Variants in EPHA5 observed in about 807,000 individuals in gnomAD.
EPHA5 encodes EPH receptor A5, also known as ephrin type-A receptor 5.
A neutral mutation model predicts 105.0 loss-of-function variants in EPHA5; 60 were observed. The ratio of observed to expected loss-of-function variants is 0.57; its 90% CI spans 0.46 to 0.71. The LOEUF (loss-of-function observed/expected upper bound fraction) is 0.71. Among genes scored for constraint, EPHA5 ranks in the 30% least tolerant of loss-of-function variants. The probability of loss-of-function intolerance (pLI) is 0.00; values close to 1 mark genes in which losing one functional copy is unlikely to be tolerated. For missense variants in EPHA5, 1,218 were observed against 1,274.7 expected (o/e 0.96, Z 0.68); for synonymous variants, 513 against 449.1 (o/e 1.14, Z -1.80).
At chr4:65,519,532 A>T (rs1252627840) in intron 3 of EPHA5, among the ~76,000 whole-genome samples, 4 of 151,900 alleles carry the variant, frequency 2.6e-5, no homozygotes, top group African/African-American at 9.7e-5. Context: ...GGCCAGGGCA[A>T]TTAGGCAGGA....
chr4:65,592,304 C>G (rs1009244510), intron 3 of EPHA5, among the ~76,000 whole-genome samples: 1 of 152,040 alleles, frequency 6.6e-6, no homozygotes, highest in African/African-American at 2.4e-5. Flanking sequence ...AAGCCAAAGC[C>G]TGGAGTGGTG....
intron 16 of EPHA5, among the ~76,000 whole-genome samples, chr4:65,328,211 T>C (rs1360774875): frequency 2.6e-5 from 4 of 151,208 alleles, no homozygotes; most frequent in Admixed American, 1.3e-4. Context: ...AGACTAGCAT[T>C]GTTACATAAA....
chr4:65,347,986 C>T (rs1030950783), intron 14 of EPHA5, 68 bp downstream of exon 14: 2 of 1,401,074 alleles, frequency 1.4e-6, no homozygotes, highest in African/African-American at 1.5e-5. Flanking sequence ...AAATGAAAAA[C>T]ATTGTGTCTT....
At chr4:65,551,184 TA>T (rs11337944) in intron 3 of EPHA5, among the ~76,000 whole-genome samples, 112,484 of 148,092 alleles carry the variant, frequency 0.76, 42,416 homozygotes, top group African/African-American at 0.8. Flanking sequence ...TAGGTTTGGA[TA>T]AATAAATGAT....
chr4:65,568,092 G>C (rs78206309), intron 3 of EPHA5, among the ~76,000 whole-genome samples: 1,650 of 151,310 alleles, frequency 0.011, 25 homozygotes, highest in African/African-American at 0.037. Context: ...TCTTGTTTTG[G>C]GTAAAATTTG....
chr4:65,590,941 A>G (rs1175776793), intron 3 of EPHA5, among the ~76,000 whole-genome samples: 1 of 152,124 alleles, frequency 6.6e-6, no homozygotes, highest in South Asian at 2.1e-4. Flanking sequence ...AAAGTAAAAC[A>G]AAGAGTCTGA....
chr4:65,336,121 A>G lies in EPHA5; in HGVS notation c.2600T>C (p.Ile867Thr), dbSNP rs952886207. The G allele has an allele frequency of 1.9e-6, 3 of 1,608,666 alleles. No individual in the cohort carries two copies. The Admixed American group carries it at 5.1e-5, about 27-fold the overall frequency. ...PYWEMTNQDV[I>T]KAVEEGYRLP... ...ACGATAGCCTTCCTCTACCGCTTTA[A>G]TCACCTGTATAAAGCAAAACAGAAC... The change falls in exon 15 of 17, where the codon ATT becomes ACT. Residue 867 changes from isoleucine to threonine, a missense_variant. Around this residue, in one of 3 missense-constraint regions of EPHA5, gnomAD observed 971 missense variants for 1,013.5 expected, o/e 0.96. Transcript: ENST00000613740.
intron 3 of EPHA5, among the ~76,000 whole-genome samples, chr4:65,553,698 G>T (rs1257827506): frequency 2.6e-5 from 4 of 151,960 alleles, no homozygotes; most frequent in Middle Eastern, 3.4e-3. Context: ...TGAAATATTG[G>T]GCCATCTCCC....
At chr4:65,394,625 C>A (rs1014784984) in intron 8 of EPHA5, among the ~76,000 whole-genome samples, 3 of 152,074 alleles carry the variant, frequency 2.0e-5, no homozygotes, top group African/African-American at 7.2e-5. Flanking sequence ...ATAAGGTTCT[C>A]TGTGTCAAGG....
chr4:65,431,323 T>C (rs933925865), intron 5 of EPHA5, among the ~76,000 whole-genome samples: 4 of 152,148 alleles, frequency 2.6e-5, no homozygotes, highest in Non-Finnish European at 5.9e-5. Context: ...TATCCTCTAG[T>C]TTATATATAT....
intron 3 of EPHA5, among the ~76,000 whole-genome samples, chr4:65,559,629 C>T (rs1346974810): frequency 6.6e-6 from 1 of 152,014 alleles, no homozygotes; most frequent in Admixed American, 6.6e-5. Flanking sequence ...AGTAGGGTCC[C>T]CTACTGTGAT....
At chr4:65,442,112 A>C (rs185146694) in intron 5 of EPHA5, among the ~76,000 whole-genome samples, 164 of 152,182 alleles carry the variant, frequency 1.1e-3, no homozygotes, top group Non-Finnish European at 1.3e-3. Context: ...TTATGACCTG[A>C]ATATTTGTGC....
chr4:65,653,722 A>G (rs560542369), intron 1 of EPHA5, among the ~76,000 whole-genome samples: 2 of 152,290 alleles, frequency 1.3e-5, no homozygotes, highest in African/African-American at 4.8e-5. Flanking sequence ...AAGGTTACAA[A>G]GAAAATAAAA....
At chr4:65,507,340 G>C (rs1408226231) in intron 3 of EPHA5, among the ~76,000 whole-genome samples, 1 of 152,092 alleles carries the variant, frequency 6.6e-6, no homozygotes, top group Non-Finnish European at 1.5e-5. Flanking sequence ...GGATTGTCTT[G>C]GCAATGCAGG....
chr4:65,454,899 TTCTC>T (rs1188656258), intron 5 of EPHA5, among the ~76,000 whole-genome samples: 1 of 152,184 alleles, frequency 6.6e-6, no homozygotes, highest in Non-Finnish European at 1.5e-5. Context: ...CCTCTTTTCT[TTCTC>T]ACCTCTGACT....
intron 16 of EPHA5, among the ~76,000 whole-genome samples, chr4:65,326,520 T>C (rs1384431699): frequency 2.0e-5 from 3 of 151,444 alleles, no homozygotes; most frequent in African/African-American, 4.8e-5. Context: ...GTAGTTTCTG[T>C]TATGCACTAA....
At chr4:65,346,895 A>G (rs1400689707) in intron 14 of EPHA5, among the ~76,000 whole-genome samples, 1 of 152,214 alleles carries the variant, frequency 6.6e-6, no homozygotes, top group Non-Finnish European at 1.5e-5. Context: ...CCAATCCTGA[A>G]GAATCCTGAT....
At chr4:65,334,585 C>A (rs1184807734) in intron 15 of EPHA5, among the ~76,000 whole-genome samples, 1 of 151,968 alleles carries the variant, frequency 6.6e-6, no homozygotes, top group South Asian at 2.1e-4. Flanking sequence ...GACAATGGAC[C>A]AGGAACTAAC....
chr4:65,357,240 C>A (rs1028753522), intron 11 of EPHA5, among the ~76,000 whole-genome samples: 16 of 151,198 alleles, frequency 1.1e-4, no homozygotes, highest in Admixed American at 6.6e-5. Flanking sequence ...TCAGAGAAGG[C>A]AAGTAAGGCT....
Sources: gnomAD v4.1 joint callset for allele counts (sites outside exome capture counted in the v4.1 genomes callset) on GRCh38, gnomAD v4.1.1 for gene constraint, gnomAD v4.1.1 regional missense constraint, MANE v1.5 for transcripts, NCBI Gene and HGNC (gene_info 2026-07-23, HGNC 2026-07-21) for gene names.